The following RABGGTA variants were observed in gnomAD, a reference collection of about 807,000 sequenced individuals.
RABGGTA encodes Rab geranylgeranyltransferase subunit alpha, also known as geranylgeranyl transferase type-2 subunit alpha.
A neutral mutation model predicts 83.3 loss-of-function variants in RABGGTA; 69 were observed. The observed-to-expected ratio is 0.83, with a 90% CI of 0.68 to 1.01. The LOEUF is 1.01. Among genes scored for constraint, RABGGTA ranks in the 50% least tolerant of loss-of-function variants. The pLI is 0.00. For synonymous variants in RABGGTA, 310 were observed against 299.8 expected, an observed-to-expected ratio of 1.03 and a Z score of -0.35; for missense variants, 681 against 712.7, an observed-to-expected ratio of 0.96 and a Z score of 0.51.
At chr14:24,271,307 A>G in intron 1 of RABGGTA, 138 bp from the exon 2 acceptor site, 5 of 594,516 alleles carry the variant, frequency 8.4e-6, no homozygotes, top group Non-Finnish European at 1.3e-5. Flanking sequence ...ACGTTCCACA[A>G]GAGGTGAGCA....
intron 11 of RABGGTA, 75 bp from the exon 12 acceptor site, chr14:24,268,273 C>G: frequency 6.2e-7 from 1 of 1,607,530 alleles, no homozygotes; most frequent in Non-Finnish European, 8.5e-7. Flanking sequence ...AGTATCTAGA[C>G]TGAAACAGCT....
chr14:24,267,469 T>C (rs2040888219), intron 14 of RABGGTA, among the ~76,000 whole-genome samples, 191 bp downstream of exon 14: 1 of 151,890 alleles, frequency 6.6e-6, no homozygotes, highest in Non-Finnish European at 1.5e-5. Context: ...ACTCGGGATT[T>C]GAAAGTGAGT....
Position 24,268,599 on chromosome 14 carries a change from G to A in RABGGTA, c.921C>T (p.Ala307=), listed in dbSNP as rs754962568. Residue 307 remains alanine, a synonymous_variant, in exon 10 of 17, where the codon GCC becomes GCT. Transcript: ENST00000216840. ...SHVWLCDLPA[A]SLNDQLPQHT... ...GTTGGGGCAACTGGTCGTTGAGGGA[G>A]GCAGCAGGCAGGTCACAGAGCTGGG... 1 of 1,613,982 alleles carries A rather than the reference G, an allele frequency of 6.2e-7. No homozygotes were observed. Among genetic ancestry groups the A allele is most frequent in the Non-Finnish European group, 8.5e-7 (1 of 1,179,878 alleles).
chr14:24,269,839 A>G (rs902528837), intron 5 of RABGGTA, 114 bp downstream of exon 5: 2 of 1,449,120 alleles, frequency 1.4e-6, no homozygotes, highest in African/African-American at 2.8e-5. Context: ...CCCTTTCAGC[A>G]CCAGCTCAGT....
chr14:24,271,482 C>T lies in RABGGTA; in HGVS notation c.-55+5G>A, dbSNP rs2040953082. Reference sequence around the variant, plus strand: ...GGCACCCCCGCCCCCCGCGGGCGGACCCACCTGCGCTGGGAGGAGGCGCGG... The same window carrying T: ...GGCACCCCCGCCCCCCGCGGGCGGATCCACCTGCGCTGGGAGGAGGCGCGG... On this transcript the variant is annotated splice_donor_5th_base_variant and intron_variant, in intron 1 of 16. Transcript: ENST00000216840. The T allele has an allele frequency of 9.9e-6, 2 of 202,982 alleles. No individual in the cohort carries two copies. Among genetic ancestry groups the T allele is most frequent in the Non-Finnish European group, 2.0e-5 (2 of 101,518 alleles). 12.6% of individuals were successfully genotyped at this position (202,982 alleles called of 1,614,324 possible). A position where few individuals can be genotyped will look rare whatever the true frequency, so the allele number is the denominator to read the frequency against.
At chr14:24,268,875 T>A (rs1335860517) in intron 8 of RABGGTA, 36 bp downstream of exon 8, 4 of 1,571,526 alleles carry the variant, frequency 2.5e-6, no homozygotes, top group Middle Eastern at 1.7e-4. Context: ...AGGCCCACAG[T>A]CCCACAGTGC....
intron 13 of RABGGTA, 27 bp downstream of exon 13, chr14:24,267,843 C>A: frequency 6.2e-7 from 1 of 1,612,356 alleles, no homozygotes; most frequent in Non-Finnish European, 8.5e-7. Flanking sequence ...GGGCCTCCCC[C>A]TGGTCTGTTC....
chr14:24,266,146 A>AGTAT (rs898810649), intron 16 of RABGGTA, among the ~76,000 whole-genome samples: 42 of 152,360 alleles, frequency 2.8e-4, no homozygotes, highest in African/African-American at 9.1e-4. Flanking sequence ...TGTTTTTTAA[A>AGTAT]GTATGAAAGT....
intron 4 of RABGGTA, 70 bp from the exon 5 acceptor site, chr14:24,270,210 G>T: frequency 6.4e-7 from 1 of 1,554,396 alleles, no homozygotes; most frequent in Non-Finnish European, 8.7e-7. Context: ...CTCACTTTCT[G>T]CACCCAGCCC....
In RABGGTA at chr14:24,271,150, C is replaced by T. The variant is rs937637158; in HGVS notation, c.-35G>A. 1.3e-6 allele frequency: 2 copies of T among 1,519,420 alleles called. No individual in the cohort carries two copies. Among genetic ancestry groups the T allele is most frequent in the African/African-American group, 2.8e-5 (2 of 71,766 alleles). 94.1% of individuals were successfully genotyped at this position (1,519,420 alleles called of 1,614,324 possible). Reference sequence around the variant, plus strand: ...TCAGGGTTCAAGACAGGGGAAGGGTCCAGTGGTAGCCCTTGAAGTCTGAGG... The same window carrying T: ...TCAGGGTTCAAGACAGGGGAAGGGTTCAGTGGTAGCCCTTGAAGTCTGAGG... On this transcript the variant is annotated 5_prime_UTR_variant, in exon 2 of 17. Transcript: ENST00000216840.
Position 24,269,380 on chromosome 14 carries a change from A to C in RABGGTA, c.631+111T>G, listed in dbSNP as rs563996964. On this transcript the variant is annotated intron_variant, in intron 6 of 16. Coordinates refer to ENST00000216840, the MANE Select transcript of RABGGTA (RefSeq NM_182836.3). ...TTCTTAAGCACCCCTGGAGCCACGC[A>C]TGAAGTAGGTGCTCAATAAACCTGA... 3.1e-6 allele frequency: 4 copies of C among 1,310,820 alleles called. No homozygotes were observed. The African/African-American group carries it at 4.4e-5, about 14-fold the overall frequency. 81.2% of individuals were successfully genotyped at this position (1,310,820 alleles called of 1,614,324 possible).
chr14:24,266,715 C>G (rs935800457), intron 15 of RABGGTA, 61 bp downstream of exon 15: 1 of 1,475,604 alleles, frequency 6.8e-7, no homozygotes, highest in African/African-American at 1.4e-5. Flanking sequence ...GGGCAGACTT[C>G]TGAGGGAGAG....
intron 6 of RABGGTA, 155 bp from the exon 7 acceptor site, chr14:24,269,318 C>T: frequency 1.9e-6 from 2 of 1,042,712 alleles, no homozygotes; most frequent in Non-Finnish European, 2.8e-6. Context: ...TTTATCTTCC[C>T]CATCAGACAC....
At chr14:24,267,509 A>G (rs2040888620) in intron 14 of RABGGTA, 151 bp downstream of exon 14, 1 of 629,894 alleles carries the variant, frequency 1.6e-6, no homozygotes, top group South Asian at 2.0e-5. Context: ...TGAGTGACAG[A>G]AAGGCCTGGA....
In RABGGTA at chr14:24,268,757, G is replaced by T; in HGVS notation, c.868C>A (p.Pro290Thr). 1 of 1,585,270 alleles carries T rather than the reference G, an allele frequency of 6.3e-7. No homozygotes were observed. Among genetic ancestry groups the T allele is most frequent in the East Asian group, 2.3e-5 (1 of 43,364 alleles). Residue 290 changes from proline (P) to threonine (T), a missense_variant, in exon 9 of 17, where the codon CCA becomes ACA. Physicochemically the swap from Pro to Thr is conservative, Grantham distance 38. Coordinates refer to ENST00000216840, the MANE Select transcript of RABGGTA (RefSeq NM_182836.3). ...TGGCTGGGCCGGTTCCTGCCATCTGGGGTCCTCCACTCCACAATCAGGGGA... is the reference window on the plus strand; with the variant it reads ...TGGCTGGGCCGGTTCCTGCCATCTGTGGTCCTCCACTCCACAATCAGGGGA... ...DSPLIVEWRTPDGRNRPSHVW... is the reference protein window; with the variant it reads ...DSPLIVEWRTTDGRNRPSHVW...
Position 24,268,536 on chromosome 14 carries a change from C to G in RABGGTA, c.984G>C (p.Gln328His). Residue 328 changes from glutamine to histidine, a missense_variant, in exon 10 of 17, where the codon CAG becomes CAC. This residue lies in a region of RABGGTA where 421 missense variants were observed against 418.5 expected (regional missense o/e 1.01). Transcript: ENST00000216840. ...FRVIWTAGDV[Q>H]KECVLLKGRQ... ...CACCTTTTAAAAGCACGCATTCTTT[C>G]TGGACATCGCCTGCTGTCCAAATGA... The G allele has an allele frequency of 3.7e-6, 6 of 1,614,038 alleles. No homozygotes were observed. Among genetic ancestry groups the G allele is most frequent in the Non-Finnish European group, 5.1e-6 (6 of 1,179,880 alleles).
intron 4 of RABGGTA, 40 bp from the exon 5 acceptor site, chr14:24,270,180 CAGTCA>C (rs2040929370): frequency 6.4e-7 from 1 of 1,571,400 alleles, no homozygotes; most frequent in Admixed American, 1.8e-5. Context: ...GGCTCTCCTA[CAGTCA>C]ACCTCAGCTC....
chr14:24,268,287 T>TG lies in RABGGTA; in HGVS notation c.1058+81dup, dbSNP rs1460499626. On this transcript the variant is annotated intron_variant, in intron 11 of 16. Transcript: ENST00000216840. ...CAGTATCTAGACTGAAACAGCTCCT[T>TG]GAGGCCCCAGCCTCCTGCCCTGGCT... 19 of 1,608,644 alleles carry TG rather than the reference T, an allele frequency of 1.2e-5. 1 individual carries two copies. The highest frequency in any genetic ancestry group is 1.4e-5 in the Non-Finnish European group (16 of 1,175,958).
In RABGGTA at chr14:24,270,089, C is replaced by T. The variant is rs372525626; in HGVS notation, c.291G>A (p.Glu97=). ...ALVKAELGFL[E]SCLRVNPKSY... ...ACTTGGGGTTCACCCGCAGGCAGCT[C>T]TCCAGGAAGCCCAGTTCTGCCTTCA... is the stretch of plus-strand genomic sequence containing the variant. Residue 97 remains glutamate (E), a synonymous_variant, in exon 5 of 17, where the codon GAG becomes GAA. Transcript: ENST00000216840. 32 of 1,610,790 alleles carry T rather than the reference C, an allele frequency of 2.0e-5. No individual in the cohort carries two copies. The highest frequency in any genetic ancestry group is 2.7e-5 in the Non-Finnish European group (32 of 1,178,594).
Sources: gnomAD v4.1 joint callset for allele counts (sites outside exome capture counted in the v4.1 genomes callset) on GRCh38, gnomAD v4.1.1 for gene constraint, gnomAD v4.1.1 regional missense constraint, MANE v1.5 for transcripts, NCBI Gene and HGNC (gene_info 2026-07-23, HGNC 2026-07-21) for gene names.